The following ESRRG variants were observed in gnomAD, a reference collection of about 807,000 sequenced individuals.
ESRRG encodes estrogen related receptor gamma.
In ESRRG, 13 loss-of-function variants were observed where a neutral mutation model predicts 44.0. The observed-to-expected ratio is 0.30, with a 90% CI of 0.19 to 0.47. The LOEUF is 0.47. Among genes scored for constraint, ESRRG ranks in the 20% least tolerant of loss-of-function variants. The pLI is 1.00. For missense variants in ESRRG, 395 were observed against 580.6 expected (o/e 0.68, Z 3.29); for synonymous variants, 215 against 214.6 (o/e 1.00, Z -0.02).
At chr1:216,544,179 G>C (rs1416528895) in intron 5 of ESRRG, among the ~76,000 whole-genome samples, 2 of 151,982 alleles carry the variant, frequency 1.3e-5, no homozygotes, top group African/African-American at 4.8e-5. Context: ...TTGTGCATAT[G>C]ATAATCATTG....
intron 5 of ESRRG, among the ~76,000 whole-genome samples, chr1:216,526,601 C>T (rs2047732665): frequency 6.6e-6 from 1 of 152,156 alleles, no homozygotes; most frequent in Non-Finnish European, 1.5e-5. Context: ...GTTTATGTCA[C>T]CCAGTCTTTG....
At chr1:216,833,611 A>G (rs1175006275) in intron 2 of ESRRG, among the ~76,000 whole-genome samples, 1 of 152,178 alleles carries the variant, frequency 6.6e-6, no homozygotes, top group African/African-American at 2.4e-5. Flanking sequence ...CTCCTCTTTA[A>G]AAAGAGCAGC....
intron 2 of ESRRG, among the ~76,000 whole-genome samples, chr1:216,846,128 G>T (rs2095743435): frequency 6.6e-6 from 1 of 152,072 alleles, no homozygotes; most frequent in African/African-American, 2.4e-5. Context: ...CAACTTCATA[G>T]TTTGTTTCTT....
chr1:216,860,187 C>A (rs2096024924), intron 2 of ESRRG, among the ~76,000 whole-genome samples: 1 of 152,150 alleles, frequency 6.6e-6, no homozygotes, highest in Admixed American at 6.5e-5. Context: ...ATTGCTTAAA[C>A]CTGGGAGGCA....
chr1:216,812,416 C>T (rs999613278), intron 2 of ESRRG, among the ~76,000 whole-genome samples: 2 of 152,054 alleles, frequency 1.3e-5, no homozygotes, highest in African/African-American at 4.8e-5. Flanking sequence ...TTACTTATTT[C>T]GGGGAGTCCC....
chr1:216,760,860 G>T (rs1266285398), intron 2 of ESRRG, among the ~76,000 whole-genome samples: 1 of 152,204 alleles, frequency 6.6e-6, no homozygotes, highest in Non-Finnish European at 1.5e-5. Flanking sequence ...TAGACATTAT[G>T]AGGTGGTGGG....
intron 2 of ESRRG, among the ~76,000 whole-genome samples, chr1:216,791,734 C>A (rs931969926): frequency 1.3e-5 from 2 of 152,068 alleles, no homozygotes; most frequent in Non-Finnish European, 2.9e-5. Flanking sequence ...TTTTATCATA[C>A]CACTTGGTGA....
intron 3 of ESRRG, 152 bp downstream of exon 3, chr1:216,650,821 A>G: frequency 1.5e-6 from 1 of 663,788 alleles, no homozygotes. Flanking sequence ...AAGTTATCAG[A>G]AAGTCCAGGT....
At chr1:217,037,859 C>A (rs927509513) in intron 1 of ESRRG, among the ~76,000 whole-genome samples, 1 of 152,100 alleles carries the variant, frequency 6.6e-6, no homozygotes, top group Non-Finnish European at 1.5e-5. Context: ...TTGGCCAAAA[C>A]GAAGGAGCAA....
chr1:216,878,487 T>C (rs1166603632), intron 2 of ESRRG, among the ~76,000 whole-genome samples: 5 of 152,222 alleles, frequency 3.3e-5, no homozygotes, highest in African/African-American at 1.2e-4. Flanking sequence ...CATTTGTAGA[T>C]CATGAAGATA....
chr1:216,613,863 A>T (rs1478992872), intron 3 of ESRRG, among the ~76,000 whole-genome samples: 1 of 152,252 alleles, frequency 6.6e-6, no homozygotes, highest in African/African-American at 2.4e-5. Flanking sequence ...ATAATATCTT[A>T]TGCACAAAGC....
intron 1 of ESRRG, among the ~76,000 whole-genome samples, chr1:216,996,110 A>G (rs549646995): frequency 1.3e-5 from 2 of 152,334 alleles, no homozygotes; most frequent in East Asian, 3.9e-4. Context: ...ATAATGAAAT[A>G]GATTGGATCA....
intron 2 of ESRRG, among the ~76,000 whole-genome samples, chr1:216,768,480 A>ATCTATCTATCTATCTGTCTATCTG (rs1553593171): frequency 4.7e-5 from 7 of 150,170 alleles, no homozygotes; most frequent in Admixed American, 2.0e-4. Context: ...CTATCTATCT[A>ATCTATCTATCTATCTGTCTATCTG]TCTATCTATC....
At chr1:216,886,594 C>T (rs1027588849) in intron 2 of ESRRG, among the ~76,000 whole-genome samples, 1 of 152,168 alleles carries the variant, frequency 6.6e-6, no homozygotes, top group Non-Finnish European at 1.5e-5. Flanking sequence ...CTCCAATATG[C>T]CTGTATTCCT....
intron 2 of ESRRG, among the ~76,000 whole-genome samples, chr1:216,765,693 G>A (rs1213208602): frequency 1.3e-5 from 2 of 152,078 alleles, no homozygotes; most frequent in Non-Finnish European, 2.9e-5. Flanking sequence ...GAAACATGAT[G>A]GTGTAGTCAG....
At chr1:216,957,819 G>A (rs902364966) in intron 1 of ESRRG, among the ~76,000 whole-genome samples, 13 of 152,186 alleles carry the variant, frequency 8.5e-5, no homozygotes, top group African/African-American at 1.2e-4. Context: ...TATTGCCTAC[G>A]ATAAGACACA....
chr1:216,714,182 C>T (rs985095907), intron 1 of ESRRG, among the ~76,000 whole-genome samples: 1 of 152,036 alleles, frequency 6.6e-6, no homozygotes, highest in Non-Finnish European at 1.5e-5. Flanking sequence ...CTAGAATGCA[C>T]TACAAACAGA....
At chr1:216,755,360 C>A (rs545382772) in intron 2 of ESRRG, among the ~76,000 whole-genome samples, 82 of 152,000 alleles carry the variant, frequency 5.4e-4, no homozygotes, top group African/African-American at 1.8e-3. Flanking sequence ...GACCAGGACT[C>A]TAGATCTTAG....
At chr1:217,045,704 G>A (rs542467663) in intron 1 of ESRRG, among the ~76,000 whole-genome samples, 11 of 152,232 alleles carry the variant, frequency 7.2e-5, no homozygotes, top group African/African-American at 1.9e-4. Context: ...TACGACGGCA[G>A]TTGTCGTTTT....
Sources: gnomAD v4.1 joint callset for allele counts (sites outside exome capture counted in the v4.1 genomes callset) on GRCh38, gnomAD v4.1.1 for gene constraint, MANE v1.5 for transcripts, NCBI Gene and HGNC (gene_info 2026-07-23, HGNC 2026-07-21) for gene names.